CLSTN1: variants seen among roughly 807,000 people sequenced by gnomAD.
CLSTN1 encodes the protein calsyntenin 1.
CLSTN1 carries 28 observed loss-of-function variants against 108.3 expected under a neutral mutation model. The ratio of observed to expected loss-of-function variants is 0.26; its 90% CI spans 0.19 to 0.35. The LOEUF (loss-of-function observed/expected upper bound fraction) is 0.35, where lower values mean the gene tolerates loss of function less well. Ranked by LOEUF, CLSTN1 falls within the 10% of genes least tolerant of loss-of-function variation. The pLI is 1.00. For missense variants in CLSTN1, 1,157 were observed against 1,302.6 expected (o/e 0.89, Z 1.72); for synonymous variants, 524 against 534.9 (o/e 0.98, Z 0.28).
chr1:9,822,942 A>G (rs1165739069), intron 1 of CLSTN1, among the ~76,000 whole-genome samples: 1 of 152,142 alleles, frequency 6.6e-6, no homozygotes, highest in African/African-American at 2.4e-5. Flanking sequence ...GATTTCTAAC[A>G]CTGGGTGAGC....
chr1:9,760,937 G>C (rs997766151), intron 2 of CLSTN1, among the ~76,000 whole-genome samples: 1 of 151,844 alleles, frequency 6.6e-6, no homozygotes, highest in Non-Finnish European at 1.5e-5. Context: ...AACCTCATCC[G>C]TTGCAGGGAA....
chr1:9,805,337 G>C (rs1329482169), intron 1 of CLSTN1, among the ~76,000 whole-genome samples: 1 of 152,138 alleles, frequency 6.6e-6, no homozygotes, highest in Non-Finnish European at 1.5e-5. Context: ...GCAGTTATCA[G>C]AGCGTGATCT....
At chr1:9,784,256 T>A (rs1029687366) in intron 1 of CLSTN1, among the ~76,000 whole-genome samples, 5 of 149,986 alleles carry the variant, frequency 3.3e-5, no homozygotes, top group African/African-American at 1.2e-4. Flanking sequence ...GGCAGGGGAA[T>A]CTCTTGAACC....
chr1:9,735,363 C>T (rs576004276), intron 13 of CLSTN1, 104 bp downstream of exon 13: 113 of 1,511,306 alleles, frequency 7.5e-5, no homozygotes, highest in Non-Finnish European at 9.5e-5. Context: ...TGGTTACACA[C>T]GATGGCTCAC....
chr1:9,778,223 AACACACACACACAC>A (rs57372437), intron 1 of CLSTN1, among the ~76,000 whole-genome samples: 87 of 134,500 alleles, frequency 6.5e-4, no homozygotes, highest in African/African-American at 1.7e-3. Context: ...TCTCCTCCCC[AACACACACACACAC>A]ACACACACAC....
At chr1:9,802,187 C>G (rs1054468770) in intron 1 of CLSTN1, among the ~76,000 whole-genome samples, 1 of 152,216 alleles carries the variant, frequency 6.6e-6, no homozygotes, top group African/African-American at 2.4e-5. Flanking sequence ...ATGCTCATAA[C>G]TGCTCCACTA....
At chr1:9,777,133 T>C (rs764240205) in intron 1 of CLSTN1, among the ~76,000 whole-genome samples, 22 of 151,154 alleles carry the variant, frequency 1.5e-4, no homozygotes, top group Middle Eastern at 3.2e-3. Context: ...GGCAGGAGAA[T>C]TGCTTGAACC....
intron 7 of CLSTN1, 50 bp from the exon 8 acceptor site, chr1:9,744,693 C>T (rs374775832): frequency 1.7e-5 from 27 of 1,552,662 alleles, no homozygotes; most frequent in Middle Eastern, 2.2e-4. Flanking sequence ...AGAGGTCCCG[C>T]GCACCTCAAG....
chr1:9,738,269 C>A lies in CLSTN1; in HGVS notation c.1520-715G>T, dbSNP rs141018458. 1.9e-3 allele frequency among the ~76,000 whole-genome samples: 293 copies of A among 152,272 alleles called. 1 individual carries two copies. The highest frequency in any genetic ancestry group is 6.5e-3 in the African/African-American group (271 of 41,552). On this transcript the variant is annotated intron_variant, in intron 10 of 18. Coordinates refer to ENST00000377298, the MANE Select transcript of CLSTN1 (RefSeq NM_001009566.3). ...CCAGTGTACAGAGTAATACAACCTA[C>A]CAGAAAGGCACACACACAGCGGCTA...
At chr1:9,770,348 A>G (rs538267565) in intron 2 of CLSTN1, among the ~76,000 whole-genome samples, 14 of 152,370 alleles carry the variant, frequency 9.2e-5, no homozygotes, top group African/African-American at 3.4e-4. Context: ...GAAATACACA[A>G]TAAAATTAAA....
At chr1:9,804,341 G>A (rs573849758) in intron 1 of CLSTN1, among the ~76,000 whole-genome samples, 104 of 130,274 alleles carry the variant, frequency 8.0e-4, no homozygotes, top group African/African-American at 2.8e-3. Context: ...CCAGCCTGGC[G>A]ACAGAGAGAG....
At position 9,731,398 on chromosome 1, in the gene CLSTN1, A is replaced by T; in HGVS notation, c.2564-8T>A. 1 of 1,612,490 alleles carries T rather than the reference A, an allele frequency of 6.2e-7. No individual in the cohort carries two copies. The highest frequency in any genetic ancestry group is 2.2e-5 in the East Asian group (1 of 44,808). ...TCGCAGTGCTGGGGACGACTGTGGG[A>T]GAATGAGGGGGCGGGATGCGAGGTC... On this transcript the variant is annotated splice_polypyrimidine_tract_variant and splice_region_variant and intron_variant, in intron 17 of 18. Transcript: ENST00000377298.
At chr1:9,737,651 A>T in intron 10 of CLSTN1, 97 bp from the exon 11 acceptor site, 1 of 1,050,742 alleles carries the variant, frequency 9.5e-7, no homozygotes, top group Non-Finnish European at 1.5e-6. Flanking sequence ...CCAACTATAA[A>T]ACATGAAGAG....
rs1650238241 is a variant in CLSTN1 at position 9,729,770 on chromosome 1, G to C, written c.*738C>G. ...CAAAGGCAAGGCCCGGCCACTTGTA[G>C]CTACCCTGATCCAGTCTCTTGAGCA... On this transcript the variant is annotated 3_prime_UTR_variant, in exon 19 of 19. Coordinates refer to ENST00000377298, the MANE Select transcript of CLSTN1 (RefSeq NM_001009566.3). The C allele has an allele frequency of 6.6e-6, 1 of 152,500 alleles. No individual in the cohort carries two copies. The highest frequency in any genetic ancestry group is 2.4e-5 in the African/African-American group (1 of 41,478). The allele number at this position is 152,500 out of a possible 1,614,324, so 9.4% of individuals were successfully genotyped here.
chr1:9,733,566 G>A lies in CLSTN1; in HGVS notation c.2282-20C>T. On this transcript the variant is annotated intron_variant, in intron 15 of 18. Coordinates refer to ENST00000377298, the MANE Select transcript of CLSTN1 (RefSeq NM_001009566.3). ...CCACGCCTGCAGGGGTTGAAAGGGG[G>A]AAGATTGCCGGGTGGCTTAGGGCAG... is the stretch of plus-strand genomic sequence containing the variant. 4.3e-6 allele frequency: 7 copies of A among 1,613,196 alleles called. No individual in the cohort carries two copies. Among genetic ancestry groups the A allele is most frequent in the Non-Finnish European group, 5.1e-6 (6 of 1,179,738 alleles).
chr1:9,812,463 A>G (rs1283801639), intron 1 of CLSTN1, among the ~76,000 whole-genome samples: 2 of 152,176 alleles, frequency 1.3e-5, no homozygotes, highest in African/African-American at 4.8e-5. Flanking sequence ...TTGACTATTA[A>G]TACTCTGTCA....
chr1:9,770,851 G>A (rs1291870410), intron 2 of CLSTN1, among the ~76,000 whole-genome samples: 4 of 151,988 alleles, frequency 2.6e-5, no homozygotes, highest in Admixed American at 2.0e-4. Context: ...AAAATTAGCA[G>A]GGCATGGTGG....
chr1:9,806,280 G>A (rs1280525412), intron 1 of CLSTN1, among the ~76,000 whole-genome samples: 1 of 152,162 alleles, frequency 6.6e-6, no homozygotes, highest in Non-Finnish European at 1.5e-5. Flanking sequence ...ACTCCAGCCT[G>A]ATAAGAGCAA....
chr1:9,783,766 G>A (rs1204311210), intron 1 of CLSTN1, among the ~76,000 whole-genome samples: 2 of 152,130 alleles, frequency 1.3e-5, no homozygotes, highest in African/African-American at 4.8e-5. Context: ...GCCAAGGTGA[G>A]CAGATGGCCT....
Sources: allele counts gnomAD v4.1 joint callset (sites outside exome capture counted in the v4.1 genomes callset), GRCh38; gene constraint gnomAD v4.1.1; transcripts MANE v1.5; gene names NCBI Gene and HGNC (gene_info 2026-07-23, HGNC 2026-07-21).